PRR5: variants seen among roughly 807,000 people sequenced by gnomAD.
PRR5 encodes proline-rich protein 5.
A neutral mutation model predicts 30.6 loss-of-function variants in PRR5; 25 were observed. That is an observed-to-expected ratio of 0.82 (90% CI 0.60 to 1.14). PRR5 has a LOEUF of 1.14. Ranked by LOEUF, PRR5 falls within the 50% of genes most tolerant of loss-of-function variation. PRR5 has a pLI of 0.00. For missense variants in PRR5, 600 were observed against 547.1 expected (o/e 1.10, Z -0.96); for synonymous variants, 286 against 247.1 (o/e 1.16, Z -1.48).
chr22:44,668,979 G>T (rs1291325344), intron 1 of PRR5, among the ~76,000 whole-genome samples: 1 of 151,258 alleles, frequency 6.6e-6, no homozygotes, highest in African/African-American at 2.4e-5. Context: ...CGACTGCGGG[G>T]CCCTAGGGTG....
intron 1 of PRR5, among the ~76,000 whole-genome samples, chr22:44,713,131 G>A (rs1442432792): frequency 1.3e-5 from 2 of 152,216 alleles, no homozygotes; most frequent in African/African-American, 4.8e-5. Flanking sequence ...CATGTCGGGA[G>A]GAGCCTGGAT....
intron 2 of PRR5, 124 bp downstream of exon 2, chr22:44,714,795 A>G (rs1928806012): frequency 3.9e-6 from 5 of 1,294,384 alleles, no homozygotes; most frequent in South Asian, 2.8e-5. Context: ...CCTAGAGGCC[A>G]TCTGTCAACA....
At chr22:44,731,688 C>G in intron 4 of PRR5, 42 bp from the exon 5 acceptor site, 1 of 1,600,654 alleles carries the variant, frequency 6.2e-7, no homozygotes, top group Non-Finnish European at 8.6e-7. Context: ...GGCATCTGCC[C>G]GCGCCAGTCA....
At chr22:44,708,893 G>A (rs1204587086) in intron 1 of PRR5, among the ~76,000 whole-genome samples, 2 of 150,112 alleles carry the variant, frequency 1.3e-5, no homozygotes, top group African/African-American at 4.9e-5. Context: ...CTTGAACCTG[G>A]GAGGTAGAGG....
At position 44,737,583 on chromosome 22, in the gene PRR5, C is replaced by T. The variant is rs906801449; in HGVS notation, c.*336C>T. The T allele has an allele frequency of 3.2e-5, 9 of 281,726 alleles. No individual in the cohort carries two copies. In the South Asian group the frequency reaches 7.6e-4, roughly 24 times the overall value. The allele number at this position is 281,726 out of a possible 1,614,324, so 17.5% of individuals were successfully genotyped here. On this transcript the variant is annotated 3_prime_UTR_variant, in exon 8 of 8. Transcript: ENST00000336985. ...ATGTAAACCCAGTGGGCTCTGCCCA[C>T]GCCGGGCCCCAAAGTGACCAGACTC...
At chr22:44,722,330 G>A (rs936174529) in intron 2 of PRR5, among the ~76,000 whole-genome samples, 8 of 152,252 alleles carry the variant, frequency 5.3e-5, no homozygotes, top group Non-Finnish European at 8.8e-5. Context: ...GGCTGTGAAC[G>A]GAGGCCTGTG....
chr22:44,717,594 T>C (rs910019388), intron 2 of PRR5, among the ~76,000 whole-genome samples: 1 of 152,190 alleles, frequency 6.6e-6, no homozygotes, highest in African/African-American at 2.4e-5. Flanking sequence ...TGTCTGTGGA[T>C]GTGCCTATTC....
In PRR5 at chr22:44,715,902, G is replaced by A. The variant is rs144348413; in HGVS notation, c.215+1231G>A. Among the ~76,000 whole-genome samples the A allele has an allele frequency of 5.9e-3, 901 of 152,258 alleles. 12 individuals carry two copies. Among genetic ancestry groups the A allele is most frequent in the African/African-American group, 0.021 (875 of 41,544 alleles). ...GGCTCAAGCCATCCTCCCACCTCCA[G>A]CCTCTCAAAGTGTTAGAATTACAGG... On this transcript the variant is annotated intron_variant, in intron 2 of 7. Coordinates refer to ENST00000336985, the MANE Select transcript of PRR5 (RefSeq NM_181333.4).
rs767279783 is a variant in PRR5 at position 44,736,817 on chromosome 22, A to G, written c.737A>G (p.Lys246Arg). ...RRSRSGDVLA[K>R]NPVVRSKSYN... Reference sequence around the variant, plus strand: ...TCCCGCTCGGGGGACGTGCTGGCCAAGAACCCTGTGGTGCGCTCCAAGAGC... The same window carrying G: ...TCCCGCTCGGGGGACGTGCTGGCCAGGAACCCTGTGGTGCGCTCCAAGAGC... Residue 246 changes from lysine (K) to arginine (R), a missense_variant, in exon 8 of 8, where the codon AAG becomes AGG. Transcript: ENST00000336985. The G allele has an allele frequency of 1.9e-6, 3 of 1,583,280 alleles. No individual in the cohort carries two copies. The highest frequency in any genetic ancestry group is 2.2e-5 in the South Asian group (2 of 89,810).
At chr22:44,733,180 A>G (rs559059524) in intron 6 of PRR5, among the ~76,000 whole-genome samples, 1 of 152,336 alleles carries the variant, frequency 6.6e-6, no homozygotes, top group South Asian at 2.1e-4. Context: ...TGCCTGCCCC[A>G]GAAAGGAGTG....
intron 6 of PRR5, among the ~76,000 whole-genome samples, chr22:44,733,093 G>C (rs1279913555): frequency 6.6e-6 from 1 of 152,282 alleles, no homozygotes; most frequent in African/African-American, 2.4e-5. Flanking sequence ...TCTGCCCAGA[G>C]GGCTTTTGTC....
chr22:44,674,723 A>G (rs1316231746), upstream of PRR5, among the ~76,000 whole-genome samples: 2 of 151,812 alleles, frequency 1.3e-5, no homozygotes, highest in Non-Finnish European at 2.9e-5. Flanking sequence ...CGTCTAAAAA[A>G]AAAGAAAAAA....
intron 1 of PRR5, among the ~76,000 whole-genome samples, chr22:44,669,562 C>G (rs1923304633): frequency 6.6e-6 from 1 of 152,224 alleles, no homozygotes; most frequent in Admixed American, 6.5e-5. Flanking sequence ...CGCCTCTGAC[C>G]TAATCAGATG....
intron 1 of PRR5, among the ~76,000 whole-genome samples, chr22:44,713,711 A>G (rs1050571896): frequency 2.0e-5 from 3 of 152,142 alleles, no homozygotes; most frequent in African/African-American, 7.2e-5. Context: ...AGCAGTTGTA[A>G]CAGAGACTGG....
intron 6 of PRR5, 69 bp from the exon 7 acceptor site, chr22:44,734,958 A>G (rs1922923065): frequency 2.7e-6 from 4 of 1,503,712 alleles, no homozygotes; most frequent in Non-Finnish European, 3.7e-6. Flanking sequence ...GGTGGGACAT[A>G]TGGTTGAGAG....
chr22:44,686,177 G>A (rs1240281798), intron 1 of PRR5, among the ~76,000 whole-genome samples: 1 of 152,038 alleles, frequency 6.6e-6, no homozygotes, highest in Non-Finnish European at 1.5e-5. Flanking sequence ...CTTGAACCCA[G>A]GAGAGAGAGG....
In PRR5 at chr22:44,734,632, G is replaced by A. The variant is rs116020834; in HGVS notation, c.556-395G>A. ...ACTGCACCTGGCCCCATGGGGCAGG[G>A]AGCCCCAGGTGAGCAGCTTGGCCCT... On this transcript the variant is annotated intron_variant, in intron 6 of 7. Transcript: ENST00000336985. The A allele has an allele frequency of 7.3e-3, 1,372 of 187,554 alleles. 16 individuals carry two copies. Among genetic ancestry groups the A allele is most frequent in the African/African-American group, 0.03 (1,279 of 42,736 alleles). The allele number at this position is 187,554 out of a possible 1,614,324, so 11.6% of individuals were successfully genotyped here.
rs573131303 is a variant in PRR5, at chr22:44,703,378, C to G, written c.134+770C>G. On this transcript the variant is annotated intron_variant, in intron 1 of 7. Transcript: ENST00000336985. Reference sequence around the variant, plus strand: ...TCGGGGGAGGCTGTGGACGTTGCCCCTCTCGCGCCCACACCTGGCAGTAAA... The same window carrying G: ...TCGGGGGAGGCTGTGGACGTTGCCCGTCTCGCGCCCACACCTGGCAGTAAA... Among the ~76,000 whole-genome samples the G allele has an allele frequency of 3.0e-4, 45 of 151,618 alleles. 1 individual carries two copies. The South Asian group carries it at 6.9e-3, about 23-fold the overall frequency.
At chr22:44,704,344 TGGG>T (rs1926851155) in intron 1 of PRR5, among the ~76,000 whole-genome samples, 1 of 151,894 alleles carries the variant, frequency 6.6e-6, no homozygotes, top group African/African-American at 2.4e-5. Flanking sequence ...CCCAGACAGG[TGGG>T]GGCACTGGCT....
Sources: allele counts gnomAD v4.1 joint callset (sites outside exome capture counted in the v4.1 genomes callset), GRCh38; gene constraint gnomAD v4.1.1; transcripts MANE v1.5; gene names NCBI Gene and HGNC (gene_info 2026-07-23, HGNC 2026-07-21).